RPS6KC1: variants seen among roughly 807,000 people sequenced by gnomAD.
RPS6KC1 encodes the protein inactive ribosomal protein S6 kinase delta-1.
A neutral mutation model predicts 103.8 loss-of-function variants in RPS6KC1; 54 were observed. That is an observed-to-expected ratio of 0.52 (90% CI 0.42 to 0.65). The LOEUF (loss-of-function observed/expected upper bound fraction) is 0.65, where lower values mean the gene tolerates loss of function less well. Ranked by LOEUF, RPS6KC1 falls within the 30% of genes least tolerant of loss-of-function variation. The pLI, the probability that RPS6KC1 is intolerant of heterozygous loss-of-function variation, is 0.00. For missense variants in RPS6KC1, 1,151 were observed against 1,253.8 expected, an observed-to-expected ratio of 0.92 and a Z score of 1.24; for synonymous variants, 439 against 438.7, an observed-to-expected ratio of 1.00 and a Z score of -0.01.
the RPS6KC1 span, among the ~76,000 whole-genome samples, chr1:213,541,630 A>G: frequency 3.3e-5 from 5 of 152,226 alleles, no homozygotes; most frequent in East Asian, 7.7e-4. Context: ...TTTAATAACC[A>G]CAAACCATTA....
the RPS6KC1 span, among the ~76,000 whole-genome samples, chr1:213,493,217 AG>A: frequency 6.6e-6 from 1 of 152,200 alleles, no homozygotes; most frequent in Non-Finnish European, 1.5e-5. Flanking sequence ...AGGAATATTC[AG>A]TTGCATGAAG....
At chr1:213,732,468 TC>T in the RPS6KC1 span, among the ~76,000 whole-genome samples, 1 of 152,224 alleles carries the variant, frequency 6.6e-6, no homozygotes, top group Admixed American at 6.5e-5. Flanking sequence ...AACCAACAAC[TC>T]CTTCAAGGCA....
the RPS6KC1 span, among the ~76,000 whole-genome samples, chr1:213,477,682 G>A: frequency 3.3e-5 from 5 of 152,142 alleles, no homozygotes; most frequent in Non-Finnish European, 7.4e-5. Context: ...CCAAAGTGAA[G>A]AAATGTTAAC....
intron 2 of RPS6KC1, among the ~76,000 whole-genome samples, chr1:213,074,122 C>T (rs1413681075): frequency 2.0e-5 from 3 of 151,940 alleles, no homozygotes; most frequent in Non-Finnish European, 2.9e-5. Flanking sequence ...ACTATGTGAG[C>T]GTGAAAAGGA....
chr1:213,564,944 G>A, the RPS6KC1 span, among the ~76,000 whole-genome samples: 1 of 152,164 alleles, frequency 6.6e-6, no homozygotes, highest in Admixed American at 6.5e-5. Flanking sequence ...TCGTGTTGCT[G>A]TTCAGAAGTA....
At chr1:213,558,376 G>C in the RPS6KC1 span, among the ~76,000 whole-genome samples, 6 of 152,204 alleles carry the variant, frequency 3.9e-5, no homozygotes, top group Admixed American at 3.9e-4. Context: ...ATTGTCAGGA[G>C]AGGAAGGGAG....
At chr1:213,353,848 G>A in the RPS6KC1 span, among the ~76,000 whole-genome samples, 1 of 152,206 alleles carries the variant, frequency 6.6e-6, no homozygotes, top group Non-Finnish European at 1.5e-5. Context: ...GAAATTCAGA[G>A]GAAGGTGCTA....
At chr1:213,727,166 T>C in the RPS6KC1 span, among the ~76,000 whole-genome samples, 1 of 152,196 alleles carries the variant, frequency 6.6e-6, no homozygotes, top group African/African-American at 2.4e-5. Context: ...GTGGATGCAC[T>C]ATTCGGTAAA....
chr1:213,597,654 G>T, the RPS6KC1 span, among the ~76,000 whole-genome samples: 2 of 152,156 alleles, frequency 1.3e-5, no homozygotes, highest in Admixed American at 1.3e-4. Flanking sequence ...AGCCTCAGTG[G>T]CAATTTAGGT....
chr1:213,727,207 A>G, the RPS6KC1 span, among the ~76,000 whole-genome samples: 1 of 152,176 alleles, frequency 6.6e-6, no homozygotes, highest in Non-Finnish European at 1.5e-5. Flanking sequence ...AGATTAATAG[A>G]TCATCTAGAA....
At chr1:213,680,021 A>T in the RPS6KC1 span, among the ~76,000 whole-genome samples, 1 of 152,122 alleles carries the variant, frequency 6.6e-6, no homozygotes, top group South Asian at 2.1e-4. Flanking sequence ...GTGTTCTCGA[A>T]ATTTGTTTCT....
intron 12 of RPS6KC1, among the ~76,000 whole-genome samples, chr1:213,254,669 A>G (rs1012975541): frequency 3.3e-5 from 5 of 152,264 alleles, no homozygotes; most frequent in Non-Finnish European, 7.3e-5. Context: ...CTCAAGCAGC[A>G]GCATAACCAG....
intron 12 of RPS6KC1, among the ~76,000 whole-genome samples, chr1:213,252,307 T>C (rs558647836): frequency 1.1e-4 from 16 of 152,306 alleles, no homozygotes; most frequent in Non-Finnish European, 2.1e-4. Context: ...CATGGAATGC[T>C]CATTGCAAAA....
the RPS6KC1 span, among the ~76,000 whole-genome samples, chr1:213,652,361 A>G: frequency 6.6e-6 from 1 of 152,186 alleles, no homozygotes; most frequent in Non-Finnish European, 1.5e-5. Context: ...AAGTAAAGGA[A>G]CTTGCCTGTT....
At chr1:213,687,531 T>A in the RPS6KC1 span, among the ~76,000 whole-genome samples, 21 of 152,298 alleles carry the variant, frequency 1.4e-4, no homozygotes, top group African/African-American at 5.1e-4. Context: ...TACAATATCA[T>A]AATTTATCAA....
chr1:213,195,110 G>GT (rs1404965036), intron 8 of RPS6KC1, among the ~76,000 whole-genome samples: 1 of 152,076 alleles, frequency 6.6e-6, no homozygotes. Context: ...TAATTTTCTA[G>GT]TTTTTTTGTT....
the RPS6KC1 span, among the ~76,000 whole-genome samples, chr1:213,551,575 C>T: frequency 6.6e-6 from 1 of 152,134 alleles, no homozygotes; most frequent in Non-Finnish European, 1.5e-5. Flanking sequence ...TTTAGGTTCA[C>T]AGCAAAACTA....
the RPS6KC1 span, among the ~76,000 whole-genome samples, chr1:213,604,325 A>G: frequency 6.6e-6 from 1 of 152,252 alleles, no homozygotes; most frequent in Non-Finnish European, 1.5e-5. Context: ...ATGGGCTTAC[A>G]GAACATGGGT....
At chr1:213,680,288 C>G in the RPS6KC1 span, among the ~76,000 whole-genome samples, 3 of 152,136 alleles carry the variant, frequency 2.0e-5, no homozygotes, top group Non-Finnish European at 4.4e-5. Flanking sequence ...GGATTTGTGC[C>G]TGTTACGTGA....
Sources: allele counts gnomAD v4.1 joint callset (sites outside exome capture counted in the v4.1 genomes callset), GRCh38; gene constraint gnomAD v4.1.1; transcripts MANE v1.5; gene names NCBI Gene and HGNC (gene_info 2026-07-23, HGNC 2026-07-21).